DENND2D: variants seen among roughly 807,000 people sequenced by gnomAD.
DENND2D encodes DENN domain-containing protein 2D.
Under a neutral mutation model 59.8 loss-of-function variants are expected in DENND2D, and 37 were observed. The ratio of observed to expected loss-of-function variants is 0.62; its 90% CI spans 0.48 to 0.81. DENND2D has a LOEUF of 0.81. Ranked by LOEUF, DENND2D falls within the 40% of genes least tolerant of loss-of-function variation. DENND2D has a pLI of 0.00. For synonymous variants in DENND2D, 219 were observed against 211.3 expected (o/e 1.04, Z -0.31); for missense variants, 525 against 579.7 (o/e 0.91, Z 0.97).
At chr1:111,197,842 C>A (rs1368952680) in intron 4 of DENND2D, 78 bp downstream of exon 4, 3 of 1,595,846 alleles carry the variant, frequency 1.9e-6, no homozygotes, top group African/African-American at 2.7e-5. Context: ...CGGAGTTTTG[C>A]AGCTCAGGCT....
At chr1:111,198,992 A>G (rs774709226) in intron 2 of DENND2D, among the ~76,000 whole-genome samples, 3 of 150,782 alleles carry the variant, frequency 2.0e-5, no homozygotes, top group Non-Finnish European at 3.0e-5. Context: ...GTTCGACCTC[A>G]GTATCGAGAT....
chr1:111,198,812 C>T lies in DENND2D; in HGVS notation c.244-70G>A. The T allele has an allele frequency of 4.6e-6, 7 of 1,530,972 alleles. No individual in the cohort carries two copies. The South Asian group carries it at 7.9e-5, about 17-fold the overall frequency. 94.8% of individuals were successfully genotyped at this position (1,530,972 alleles called of 1,614,324 possible). A position where few individuals can be genotyped will look rare whatever the true frequency, so the allele number is the denominator to read the frequency against. On this transcript the variant is annotated intron_variant, in intron 2 of 11. Coordinates refer to ENST00000357640, the MANE Select transcript of DENND2D (RefSeq NM_024901.5). ...GAGATAGCAGGAGACAGCTTCAGAG[C>T]TGGTGGGCTTCCTTTGAGGCTCTAA...
At chr1:111,204,501 C>G (rs1027731517), upstream of DENND2D, 14 of 855,660 alleles carry the variant, frequency 1.6e-5, no homozygotes, top group African/African-American at 2.1e-4. Flanking sequence ...TTCCGGACTC[C>G]GGCCCAACCC....
At chr1:111,192,390 C>A in intron 7 of DENND2D, 73 bp from the exon 8 acceptor site, 1 of 1,416,532 alleles carries the variant, frequency 7.1e-7, no homozygotes, top group South Asian at 1.6e-5. Flanking sequence ...CATCGCCCAC[C>A]ACCAACAGCA....
chr1:111,192,005 T>G lies in DENND2D; in HGVS notation c.972+135A>C, dbSNP rs555965792. The G allele has an allele frequency of 2.5e-5, 22 of 864,030 alleles. No homozygotes were observed. The African/African-American group carries it at 3.6e-4, about 14-fold the overall frequency. The allele number at this position is 864,030 out of a possible 1,614,324, so 53.5% of individuals were successfully genotyped here. ...AGGAAGTGAACACTGTTATCCCCAT[T>G]TTAGAGATGAGAAAGCTCAGGCTTA... On this transcript the variant is annotated intron_variant, in intron 8 of 11. Coordinates refer to ENST00000357640, the MANE Select transcript of DENND2D (RefSeq NM_024901.5).
chr1:111,188,107 G>T lies in DENND2D; in HGVS notation c.1339+24C>A. ...CTAGAGGTAACCCTCTATGGGCTTA[G>T]ACTGATGGGGACTGTTACTGTACCT... On this transcript the variant is annotated intron_variant, in intron 11 of 11. Transcript: ENST00000357640. The T allele has an allele frequency of 1.9e-6, 3 of 1,613,828 alleles. No homozygotes were observed. In the South Asian group the frequency reaches 3.3e-5, roughly 18 times the overall value.
chr1:111,186,812 C>T lies in DENND2D; in HGVS notation c.*793G>A, dbSNP rs1248745444. On this transcript the variant is annotated 3_prime_UTR_variant, in exon 12 of 12. Transcript: ENST00000357640. ...TGAAAGTGATGGGGAAACAGACCTA[C>T]GTATGGAAGCCATGTAGTGTTCTTC... is the stretch of plus-strand genomic sequence containing the variant. Among the ~76,000 whole-genome samples, 2 of 152,202 alleles carry T rather than the reference C, an allele frequency of 1.3e-5. No homozygotes were observed. Among genetic ancestry groups the T allele is most frequent in the African/African-American group, 2.4e-5 (1 of 41,450 alleles).
chr1:111,188,553 C>T (rs1657436669), intron 10 of DENND2D, 149 bp downstream of exon 10: 1 of 1,182,088 alleles, frequency 8.5e-7, no homozygotes, highest in Non-Finnish European at 1.2e-6. Context: ...AGGAAGAATA[C>T]AATCCCAAAT....
chr1:111,204,253 G>A (rs1246498515), upstream of DENND2D: 5 of 1,452,128 alleles, frequency 3.4e-6, no homozygotes, highest in Non-Finnish European at 4.5e-6. Flanking sequence ...CGGCTCCCCG[G>A]TGCCCACGCC....
intron 8 of DENND2D, among the ~76,000 whole-genome samples, chr1:111,190,174 A>AAAC (rs1553241785): frequency 6.7e-6 from 1 of 148,754 alleles, no homozygotes; most frequent in Non-Finnish European, 1.5e-5. Flanking sequence ...AAAAAAAAAA[A>AAAC]AAAAAAAAAC....
intron 6 of DENND2D, among the ~76,000 whole-genome samples, 179 bp from the exon 7 acceptor site, chr1:111,194,905 C>T (rs1658083274): frequency 6.6e-6 from 1 of 151,980 alleles, no homozygotes; most frequent in African/African-American, 2.4e-5. Flanking sequence ...GAGTATGGCC[C>T]ATAATGTCCT....
At position 111,192,317 on chromosome 1, in the gene DENND2D, G is replaced by T; in HGVS notation, c.795C>A (p.Ser265Arg). 1.3e-6 allele frequency: 2 copies of T among 1,596,984 alleles called. No individual in the cohort carries two copies. The highest frequency in any genetic ancestry group is 1.7e-6 in the Non-Finnish European group (2 of 1,168,812). The change falls in exon 8 of 12, where the codon AGC becomes AGA. Residue 265 changes from serine to arginine, a missense_variant and splice_region_variant. Around this residue, in one of 3 missense-constraint regions of DENND2D, gnomAD observed 225 missense variants for 252.4 expected, o/e 0.89. Coordinates refer to ENST00000357640, the MANE Select transcript of DENND2D (RefSeq NM_024901.5). ...RKIIFLAEGLSTLSQCIHAAA... is the reference protein window; with the variant it reads ...RKIIFLAEGLRTLSQCIHAAA... ...CAGCATGGATGCACTGAGACAAGGT[G>T]CTGGGACAGAGCACAGAGGATGAGA...
chr1:111,200,382 C>A lies in DENND2D; in HGVS notation c.67+11G>T. On this transcript the variant is annotated intron_variant, in intron 1 of 11. Coordinates refer to ENST00000357640, the MANE Select transcript of DENND2D (RefSeq NM_024901.5). The stretch of plus-strand genomic sequence containing the variant: ...CCCTAAAAACAAGGAAGTAGGCAGT[C>A]CAGTCCTGACCTGCTCGGAGTTGAA... 1 of 1,610,330 alleles carries A rather than the reference C, an allele frequency of 6.2e-7. No homozygotes were observed. The highest frequency in any genetic ancestry group is 8.5e-7 in the Non-Finnish European group (1 of 1,178,108).
Position 111,188,320 on chromosome 1 carries a change from C to T in DENND2D, c.1150G>A (p.Val384Ile). The change falls in exon 11 of 12, where the codon GTC (valine) becomes ATC (isoleucine). Residue 384 changes from valine (V) to isoleucine (I), a missense_variant. Physicochemically the swap from Val to Ile is conservative, Grantham distance 29. This residue lies in a region of DENND2D where 225 missense variants were observed against 252.4 expected (regional missense o/e 0.89). Transcript: ENST00000357640. ...HVSGPFVQFFVKIVGHYASYI... is the reference protein window; with the variant it reads ...HVSGPFVQFFIKIVGHYASYI... ...GAAGCATAATGGCCCACAATCTTGA[C>T]AAAGAACTGCACAAAGGGGCCTGAA... The T allele has an allele frequency of 6.2e-7, 1 of 1,614,130 alleles. No homozygotes were observed. Among genetic ancestry groups the T allele is most frequent in the Non-Finnish European group, 8.5e-7 (1 of 1,180,036 alleles).
chr1:111,195,683 T>C, intron 6 of DENND2D: 1 of 500,746 alleles, frequency 2.0e-6, no homozygotes, highest in Non-Finnish European at 3.5e-6. Flanking sequence ...TTATTTATTA[T>C]AAATAAAAGT....
At chr1:111,188,883 C>A (rs927472996) in intron 9 of DENND2D, 97 bp from the exon 10 acceptor site, 1 of 1,023,856 alleles carries the variant, frequency 9.8e-7, no homozygotes, top group East Asian at 2.4e-5. Context: ...TCTACACCCC[C>A]ACTCCACCCG....
rs747305370 is a variant in DENND2D, at chr1:111,188,690, G to T, written c.1099+12C>A. ...CTGCCTGGAGAGACCCAAAATAAGA[G>T]TAAGGACTTACTCTTTAACTCATTG... is the stretch of plus-strand genomic sequence containing the variant. On this transcript the variant is annotated intron_variant, in intron 10 of 11. Coordinates refer to ENST00000357640, the MANE Select transcript of DENND2D (RefSeq NM_024901.5). 7.5e-6 allele frequency: 12 copies of T among 1,610,488 alleles called. No individual in the cohort carries two copies. The South Asian group carries it at 1.2e-4, about 16-fold the overall frequency.
At chr1:111,196,253 T>TTA in intron 5 of DENND2D, 197 bp from the exon 6 acceptor site, 1 of 546,024 alleles carries the variant, frequency 1.8e-6, no homozygotes, top group Non-Finnish European at 3.1e-6. Context: ...ATCTGCAGTT[T>TTA]ATCTCCCACA....
chr1:111,197,428 C>G (rs1658349320), intron 4 of DENND2D, 175 bp from the exon 5 acceptor site: 2 of 1,442,048 alleles, frequency 1.4e-6, no homozygotes, highest in Non-Finnish European at 1.8e-6. Context: ...CTTGAGGGTA[C>G]TGGGTGAGTT....
Sources: allele counts gnomAD v4.1 joint callset (sites outside exome capture counted in the v4.1 genomes callset), GRCh38; gene constraint gnomAD v4.1.1; regional missense constraint gnomAD v4.1.1; transcripts MANE v1.5; gene names NCBI Gene and HGNC (gene_info 2026-07-23, HGNC 2026-07-21).